DAZAP1: variants seen among roughly 807,000 people sequenced by gnomAD.
DAZAP1 encodes DAZ associated protein 1.
Under a neutral mutation model 60.1 loss-of-function variants are expected in DAZAP1, and 6 were observed. That is an observed-to-expected ratio of 0.10 (90% confidence interval 0.05 to 0.20). DAZAP1 has a LOEUF of 0.20. Ranked by LOEUF, DAZAP1 falls within the 10% of genes least tolerant of loss-of-function variation. The probability of loss-of-function intolerance (pLI) is 1.00; values close to 1 mark genes in which losing one functional copy is unlikely to be tolerated. For missense variants in DAZAP1, 366 were observed against 560.4 expected (o/e 0.65, Z 3.50); for synonymous variants, 235 against 215.9 (o/e 1.09, Z -0.78).
At chr19:1,410,637 G>A (rs769245840) in intron 1 of DAZAP1, among the ~76,000 whole-genome samples, 2 of 152,230 alleles carry the variant, frequency 1.3e-5, no homozygotes, top group Non-Finnish European at 2.9e-5. Context: ...GTAGCCGCTG[G>A]GTGCTAGGCG....
At position 1,432,648 on chromosome 19, in the gene DAZAP1, A is replaced by C; in HGVS notation, c.1006A>C (p.Lys336Gln). 1 of 1,612,936 alleles carries C rather than the reference A, an allele frequency of 6.2e-7. No homozygotes were observed. The highest frequency in any genetic ancestry group is 8.5e-7 in the Non-Finnish European group (1 of 1,179,688). ...GTCTCAGGCTGCCCCGGACATGAGC[A>C]AGCCCCCGACAGCTCAGCCAGACTT... Reference protein sequence around the residue: ...PPSQAAPDMSKPPTAQPDFPY... With the variant: ...PPSQAAPDMSQPPTAQPDFPY... The change falls in exon 11 of 12, where the codon AAG becomes CAG. Residue 336 changes from lysine to glutamine, a missense_variant. Transcript: ENST00000233078. This position sits in a 1 kb window ranked among gnomAD's most constrained non-coding sequence, Gnocchi z 4.9.
chr19:1,421,631 G>A (rs994460381), intron 5 of DAZAP1, among the ~76,000 whole-genome samples: 14 of 152,380 alleles, frequency 9.2e-5, no homozygotes, highest in African/African-American at 3.1e-4. Context: ...GGGCAGGTGG[G>A]AGAATGCCCG....
intron 1 of DAZAP1, among the ~76,000 whole-genome samples, chr19:1,408,542 C>A (rs943010274): frequency 2.6e-5 from 4 of 152,248 alleles, no homozygotes; most frequent in African/African-American, 2.4e-5. Context: ...ATCCCACCCC[C>A]CCAAAGTGGT....
rs1569080579 is a variant in DAZAP1 at position 1,425,015 on chromosome 19, C to T, written c.464-863C>T. Among the ~76,000 whole-genome samples the T allele has an allele frequency of 6.6e-6, 1 of 152,238 alleles. No homozygotes were observed. The highest frequency in any genetic ancestry group is 1.5e-5 in the Non-Finnish European group (1 of 68,048). ...ACTAAACTTCGTTTATACTGCCACT[C>T]TTGTGTTTGGGAAATGCTAAATTTT... is the stretch of plus-strand genomic sequence containing the variant. On this transcript the variant is annotated intron_variant, in intron 6 of 11. Coordinates refer to ENST00000233078, the MANE Select transcript of DAZAP1 (RefSeq NM_018959.4). The surrounding 1 kb of genome is among the most constrained non-coding windows in gnomAD (Gnocchi z 5.4).
intron 10 of DAZAP1, 135 bp downstream of exon 10, chr19:1,430,497 C>G (rs80168806): frequency 5.1e-5 from 40 of 782,342 alleles, no homozygotes; most frequent in Non-Finnish European, 7.1e-5. Context: ...CAGCAGGTCA[C>G]CTGCCACCAG....
In DAZAP1 at chr19:1,415,389, G is replaced by GTGT. The variant is rs751334899; in HGVS notation, c.30-2110_30-2109insGTT. Among the ~76,000 whole-genome samples the GTGT allele has an allele frequency of 8.0e-4, 102 of 127,574 alleles. 2 individuals carry two copies. Among genetic ancestry groups the GTGT allele is most frequent in the African/African-American group, 2.7e-3 (92 of 33,924 alleles). The allele number at this position is 127,574 out of a possible 152,430, so 83.7% of individuals were successfully genotyped here. A position where few individuals can be genotyped will look rare whatever the true frequency, so the allele number is the denominator to read the frequency against. The stretch of plus-strand genomic sequence containing the variant: ...TGTGTGTGTGTGTGTGTGTGTGTGT[G>GTGT]TTTTGTTTTTTTTTTTTTTTTTGAG... On this transcript the variant is annotated intron_variant, in intron 1 of 11. Transcript: ENST00000233078.
chr19:1,432,959 C>T lies in DAZAP1; in HGVS notation c.1048+269C>T. On this transcript the variant is annotated intron_variant, in intron 11 of 11. Transcript: ENST00000233078. The surrounding 1 kb of genome is among the most constrained non-coding windows in gnomAD (Gnocchi z 4.9). ...GCATGTGTGGGAACCTGAGTGGCGA[C>T]TGGGTCGAGGGAAGTGAGTCGCAGG... 1 of 467,084 alleles carries T rather than the reference C, an allele frequency of 2.1e-6. No individual in the cohort carries two copies. Among genetic ancestry groups the T allele is most frequent in the South Asian group, 3.0e-5 (1 of 33,294 alleles). 28.9% of individuals were successfully genotyped at this position (467,084 alleles called of 1,614,324 possible).
intron 8 of DAZAP1, among the ~76,000 whole-genome samples, chr19:1,429,723 C>A (rs948511411): frequency 6.6e-6 from 1 of 152,232 alleles, no homozygotes. Flanking sequence ...CCCCAGTCAG[C>A]AGACACAGTG....
chr19:1,420,652 G>A (rs916077839), intron 4 of DAZAP1, among the ~76,000 whole-genome samples: 8 of 152,268 alleles, frequency 5.3e-5, no homozygotes, highest in East Asian at 1.9e-4. Flanking sequence ...GTGGGAGGCC[G>A]GCAGAAGGGG....
Position 1,432,542 on chromosome 19 carries a change from G to C in DAZAP1, c.900G>C (p.Pro300=), listed in dbSNP as rs150043409. The C allele has an allele frequency of 2.5e-6, 4 of 1,613,568 alleles. No homozygotes were observed. The African/African-American group carries it at 5.3e-5, about 22-fold the overall frequency. ...TTGGCTACGGGCCTCCACCTCCACC[G>C]CCAGATCAGTTTGCCCCTCCGGGGG... is the stretch of plus-strand genomic sequence containing the variant. ...FSFGYGPPPP[P]PDQFAPPGVP... is the part of the protein sequence containing the mutation. Residue 300 remains proline, a synonymous_variant, in exon 11 of 12, where the codon CCG becomes CCC. Coordinates refer to ENST00000233078, the MANE Select transcript of DAZAP1 (RefSeq NM_018959.4). The surrounding 1 kb of genome is among the most constrained non-coding windows in gnomAD (Gnocchi z 4.9).
chr19:1,407,915 CG>C, intron 1 of DAZAP1, 113 bp downstream of exon 1: 2 of 938,530 alleles, frequency 2.1e-6, no homozygotes, highest in Non-Finnish European at 2.6e-6. Context: ...TCACGCCGGC[CG>C]GGGGCGGACT....
chr19:1,419,534 C>T (rs2144786662), intron 4 of DAZAP1, among the ~76,000 whole-genome samples: 1 of 152,352 alleles, frequency 6.6e-6, no homozygotes, highest in African/African-American at 2.4e-5. Context: ...TGGAAAGCGG[C>T]TGCAGGGAAT....
At chr19:1,408,060 C>T (rs1343839537) in intron 1 of DAZAP1, among the ~76,000 whole-genome samples, 1 of 149,842 alleles carries the variant, frequency 6.7e-6, no homozygotes, top group Non-Finnish European at 1.5e-5. Context: ...CCTGAGGGGT[C>T]CGGGGGGCCC....
chr19:1,422,090 C>T lies in DAZAP1; in HGVS notation c.415-258C>T, dbSNP rs1002098948. 2.6e-5 allele frequency among the ~76,000 whole-genome samples: 4 copies of T among 152,244 alleles called. No homozygotes were observed. Among genetic ancestry groups the T allele is most frequent in the Non-Finnish European group, 5.9e-5 (4 of 68,034 alleles). ...GTCAGCACACACGTGAGCGGGGCCACGGGCAGCCCGGAGGCGGGTATCCAG... is the reference window on the plus strand; with the variant it reads ...GTCAGCACACACGTGAGCGGGGCCATGGGCAGCCCGGAGGCGGGTATCCAG... On this transcript the variant is annotated intron_variant, in intron 5 of 11. Transcript: ENST00000233078. The surrounding 1 kb of genome is among the most constrained non-coding windows in gnomAD (Gnocchi z 4.5).
At position 1,431,338 on chromosome 19, in the gene DAZAP1, G is replaced by C. The variant is rs547520077; in HGVS notation, c.871+976G>C. On this transcript the variant is annotated intron_variant, in intron 10 of 11. Coordinates refer to ENST00000233078, the MANE Select transcript of DAZAP1 (RefSeq NM_018959.4). ...TAGAGACAGGGTTTCACCGTGTTAGGCAGGATGGTCTCGATCTCCTGACCT... is the reference window on the plus strand; with the variant it reads ...TAGAGACAGGGTTTCACCGTGTTAGCCAGGATGGTCTCGATCTCCTGACCT... 5.8e-3 allele frequency among the ~76,000 whole-genome samples: 820 copies of C among 142,118 alleles called. 7 individuals are homozygous for C. The highest frequency in any genetic ancestry group is 8.4e-3 in the Non-Finnish European group (542 of 64,438). The allele number at this position is 142,118 out of a possible 152,430, so 93.2% of individuals were successfully genotyped here.
rs2083193496 is a variant in DAZAP1, at chr19:1,422,714, C to G, written c.463+318C>G. ...TCCTTCTGCATTTGACCTTCCTTCA[C>G]CCTCATCCAGTCCTCCCAGTGTGGC... is the stretch of plus-strand genomic sequence containing the variant. On this transcript the variant is annotated intron_variant, in intron 6 of 11. Coordinates refer to ENST00000233078, the MANE Select transcript of DAZAP1 (RefSeq NM_018959.4). This position sits in a 1 kb window ranked among gnomAD's most constrained non-coding sequence, Gnocchi z 4.5. 6.6e-6 allele frequency among the ~76,000 whole-genome samples: 1 copy of G among 152,138 alleles called. No individual in the cohort carries two copies. Among genetic ancestry groups the G allele is most frequent in the African/African-American group, 2.4e-5 (1 of 41,422 alleles).
At chr19:1,429,083 C>T (rs984973657) in intron 8 of DAZAP1, 88 bp downstream of exon 8, 2 of 1,415,852 alleles carry the variant, frequency 1.4e-6, no homozygotes, top group Non-Finnish European at 9.3e-7. Flanking sequence ...CTGCGGCCTC[C>T]CCACCTCTGC....
Position 1,433,522 on chromosome 19 carries a change from C to A in DAZAP1, c.1048+832C>A. The stretch of plus-strand genomic sequence containing the variant: ...GCTGTGTTCGGCCGAGGTGCCCGCC[C>A]ACCCACCTCGCATGGCTGTGGTTCC... On this transcript the variant is annotated intron_variant, in intron 11 of 11. Transcript: ENST00000233078. The surrounding 1 kb of genome is among the most constrained non-coding windows in gnomAD (Gnocchi z 6.1). The A allele has an allele frequency of 1.8e-6, 1 of 569,424 alleles. No individual in the cohort carries two copies. The highest frequency in any genetic ancestry group is 2.9e-5 in the East Asian group (1 of 33,952). The allele number at this position is 569,424 out of a possible 1,614,324, so 35.3% of individuals were successfully genotyped here.
rs548681765 is a variant in DAZAP1 at position 1,407,945 on chromosome 19, C to T, written c.29+143C>T. ...GCGGACTCGGGACCCGGACTCGCCG[C>T]GGCTTCGCGCCGGGGGCCCTGGACG... On this transcript the variant is annotated intron_variant, in intron 1 of 11. Coordinates refer to ENST00000233078, the MANE Select transcript of DAZAP1 (RefSeq NM_018959.4). 4.7e-3 allele frequency: 3,538 copies of T among 749,480 alleles called. 9 individuals are homozygous for T. The highest frequency in any genetic ancestry group is 0.01 in the Middle Eastern group (16 of 1,562). 46.4% of individuals were successfully genotyped at this position (749,480 alleles called of 1,614,324 possible).
Sources: allele counts gnomAD v4.1 joint callset (sites outside exome capture counted in the v4.1 genomes callset), GRCh38; gene constraint gnomAD v4.1.1; non-coding constraint Gnocchi (gnomAD v3.1); transcripts MANE v1.5; gene names NCBI Gene and HGNC (gene_info 2026-07-23, HGNC 2026-07-21).